Variants in PTPRN2 observed in about 807,000 individuals in gnomAD.
The protein encoded by PTPRN2 is protein tyrosine phosphatase receptor type N2.
PTPRN2 carries 74 observed loss-of-function variants against 118.8 expected under a neutral mutation model. The ratio of observed to expected loss-of-function variants is 0.62; its 90% CI spans 0.52 to 0.76. The LOEUF (loss-of-function observed/expected upper bound fraction) is 0.76. PTPRN2 is among the 30% of genes least tolerant of loss of function. PTPRN2 has a pLI of 0.00. For synonymous variants in PTPRN2, 641 were observed against 608.0 expected (o/e 1.05, Z -0.80); for missense variants, 1,481 against 1,394.4 (o/e 1.06, Z -0.99).
At chr7:158,122,273 G>A (rs569311329) in intron 9 of PTPRN2, among the ~76,000 whole-genome samples, 1 of 152,152 alleles carries the variant, frequency 6.6e-6, no homozygotes, top group African/African-American at 2.4e-5. Context: ...AGTTTGTGAC[G>A]TCTCTAAGCT....
At chr7:158,545,599 G>A (rs2129449822) in intron 1 of PTPRN2, among the ~76,000 whole-genome samples, 1 of 152,224 alleles carries the variant, frequency 6.6e-6, no homozygotes, top group Middle Eastern at 3.4e-3. Context: ...AGGAGCTGAG[G>A]GCCACTAGTC....
chr7:157,614,521 C>T (rs894749183), intron 15 of PTPRN2, among the ~76,000 whole-genome samples: 2 of 152,166 alleles, frequency 1.3e-5, no homozygotes, highest in Admixed American at 1.3e-4. Context: ...TTGACTGCAT[C>T]CTGGTGGAAA....
chr7:158,319,629 TCACA>T (rs1335700209), intron 2 of PTPRN2, among the ~76,000 whole-genome samples: 113 of 9,430 alleles, frequency 0.012, 20 homozygotes, highest in African/African-American at 0.035. Context: ...ACAGCCTCCC[TCACA>T]CACACACAGC....
At chr7:157,658,609 G>T (rs182943922) in intron 13 of PTPRN2, among the ~76,000 whole-genome samples, 1 of 152,206 alleles carries the variant, frequency 6.6e-6, no homozygotes, top group South Asian at 2.1e-4. Context: ...CCGGGACCCC[G>T]CTGCTGCCGC....
At chr7:158,551,202 G>A (rs985445265) in intron 1 of PTPRN2, among the ~76,000 whole-genome samples, 1 of 152,242 alleles carries the variant, frequency 6.6e-6, no homozygotes, top group Non-Finnish European at 1.5e-5. Context: ...CACTGCGGAT[G>A]GTCACTGCCT....
chr7:158,083,935 G>T (rs1053544436), intron 10 of PTPRN2, among the ~76,000 whole-genome samples: 1 of 152,254 alleles, frequency 6.6e-6, no homozygotes, highest in South Asian at 2.1e-4. Flanking sequence ...ACTTGAATAT[G>T]TGCAGGCTCT....
At chr7:158,010,757 T>C (rs1805986493) in intron 11 of PTPRN2, among the ~76,000 whole-genome samples, 1 of 152,276 alleles carries the variant, frequency 6.6e-6, no homozygotes. Flanking sequence ...GTATTGTTTA[T>C]TTCTCTGCTG....
chr7:157,895,048 C>G (rs913649638), intron 12 of PTPRN2, among the ~76,000 whole-genome samples: 1 of 151,632 alleles, frequency 6.6e-6, no homozygotes, highest in African/African-American at 2.4e-5. Flanking sequence ...AAAAGAGGAC[C>G]CCTCCCCCAC....
intron 12 of PTPRN2, among the ~76,000 whole-genome samples, chr7:157,871,052 G>A (rs1414271522): frequency 6.6e-6 from 1 of 152,208 alleles, no homozygotes; most frequent in Admixed American, 6.5e-5. Flanking sequence ...GCCATGAGCT[G>A]CACAGCTGGG....
chr7:158,404,950 C>A (rs1295200314), intron 2 of PTPRN2, among the ~76,000 whole-genome samples: 1 of 138,888 alleles, frequency 7.2e-6, no homozygotes, highest in Non-Finnish European at 1.5e-5. Context: ...AGCTCCCCAG[C>A]TCCCAGCTCC....
At chr7:158,419,329 GT>G (rs758708100) in intron 2 of PTPRN2, among the ~76,000 whole-genome samples, 1 of 152,228 alleles carries the variant, frequency 6.6e-6, no homozygotes, top group Non-Finnish European at 1.5e-5. Flanking sequence ...GAAAACGGCT[GT>G]TTTGCAAACA....
In PTPRN2 at chr7:157,986,561, T is replaced by A. The variant is rs1435093615; in HGVS notation, c.1724-87824A>T. Among the ~76,000 whole-genome samples, 1 of 152,164 alleles carries A rather than the reference T, an allele frequency of 6.6e-6. No homozygotes were observed. Among genetic ancestry groups the A allele is most frequent in the Non-Finnish European group, 1.5e-5 (1 of 68,020 alleles). On this transcript the variant is annotated intron_variant, in intron 11 of 22. Transcript: ENST00000389418. The surrounding 1 kb of genome is among the most constrained non-coding windows in gnomAD (Gnocchi z 4.5). ...TCTCTGTGGTCCTTTCCCTCCTGCC[T>A]GCCTTTCTGCGACATCTGCACTATT...
chr7:158,394,160 C>T (rs571953852), intron 2 of PTPRN2, among the ~76,000 whole-genome samples: 3 of 150,794 alleles, frequency 2.0e-5, no homozygotes, highest in South Asian at 2.1e-4. Flanking sequence ...CTGTCCCCGA[C>T]GGACACCTGG....
intron 11 of PTPRN2, among the ~76,000 whole-genome samples, chr7:158,008,566 A>C: frequency 6.6e-6 from 1 of 152,210 alleles, no homozygotes; most frequent in East Asian, 1.9e-4. Flanking sequence ...TCTTCCACTG[A>C]TTCTTATTTA....
At chr7:157,572,232 T>A (rs1445592809) in intron 19 of PTPRN2, among the ~76,000 whole-genome samples, 2 of 152,172 alleles carry the variant, frequency 1.3e-5, no homozygotes, top group East Asian at 3.8e-4. Context: ...ATGAAACATG[T>A]TTATGAAGTC....
At chr7:158,044,871 G>A (rs1245523070) in intron 11 of PTPRN2, among the ~76,000 whole-genome samples, 4 of 152,286 alleles carry the variant, frequency 2.6e-5, no homozygotes, top group Admixed American at 6.5e-5. Flanking sequence ...AATTCTCAAC[G>A]AGAGCACCTG....
chr7:157,575,528 CAA>C (rs1182656204), intron 19 of PTPRN2, among the ~76,000 whole-genome samples: 1 of 152,108 alleles, frequency 6.6e-6, no homozygotes, highest in Non-Finnish European at 1.5e-5. Flanking sequence ...ATTCAAATTA[CAA>C]AAAACTGCAT....
chr7:157,653,028 G>A (rs1805775347), intron 14 of PTPRN2, among the ~76,000 whole-genome samples: 1 of 152,180 alleles, frequency 6.6e-6, no homozygotes, highest in South Asian at 2.1e-4. Flanking sequence ...TGAAGGTCTG[G>A]GCTCCGGGGC....
intron 6 of PTPRN2, among the ~76,000 whole-genome samples, chr7:158,149,076 C>G (rs910418877): frequency 1.5e-5 from 2 of 129,684 alleles, no homozygotes; most frequent in Non-Finnish European, 1.7e-5. Flanking sequence ...GTGTCATTCC[C>G]CCTCACTGAC....
Sources: gnomAD v4.1 joint callset for allele counts (sites outside exome capture counted in the v4.1 genomes callset) on GRCh38, gnomAD v4.1.1 for gene constraint, Gnocchi (gnomAD v3.1) non-coding constraint, MANE v1.5 for transcripts, NCBI Gene and HGNC (gene_info 2026-07-23, HGNC 2026-07-21) for gene names.